The following RBL1 variants were observed in gnomAD, a reference collection of about 807,000 sequenced individuals.
RBL1 encodes retinoblastoma-like protein 1.
RBL1 carries 82 observed loss-of-function variants against 123.0 expected under a neutral mutation model. The ratio of observed to expected loss-of-function variants is 0.67; its 90% CI spans 0.56 to 0.80. RBL1 has a LOEUF of 0.80. Ranked by LOEUF, RBL1 falls within the 30% of genes least tolerant of loss-of-function variation. RBL1 has a pLI of 0.00. For missense variants in RBL1, 1,171 were observed against 1,299.6 expected (o/e 0.90, Z 1.52); for synonymous variants, 405 against 441.3 (o/e 0.92, Z 1.03).
chr20:37,000,996 GGCCA>G (rs2063967602), intron 21 of RBL1, among the ~76,000 whole-genome samples: 1 of 145,544 alleles, frequency 6.9e-6, no homozygotes, highest in Non-Finnish European at 1.5e-5. Context: ...CCCTCTGCCT[GGCCA>G]GCCGCCCCAT....
chr20:37,050,879 C>T (rs2064899385), intron 11 of RBL1, among the ~76,000 whole-genome samples: 1 of 151,678 alleles, frequency 6.6e-6, no homozygotes, highest in African/African-American at 2.4e-5. Flanking sequence ...AGGTCACATA[C>T]TACTAAGTGG....
rs113216175 is a variant in RBL1 at position 37,025,746 on chromosome 20, GT to G, written c.2383-2921del. ...CCAAAAAAACCTTGAAGGGACCTGGGTTTTTTTTTTTTTTGAGATGGAGTCT... is the reference window on the plus strand; with the variant it reads ...CCAAAAAAACCTTGAAGGGACCTGGGTTTTTTTTTTTTTGAGATGGAGTCT... On this transcript the variant is annotated intron_variant, in intron 16 of 21. Coordinates refer to ENST00000373664, the MANE Select transcript of RBL1 (RefSeq NM_002895.5). Among the ~76,000 whole-genome samples, 589 of 140,520 alleles carry G rather than the reference GT, an allele frequency of 4.2e-3. 9 individuals are homozygous for G. The highest frequency in any genetic ancestry group is 0.014 in the African/African-American group (526 of 38,566). 92.2% of individuals were successfully genotyped at this position (140,520 alleles called of 152,430 possible). A position where few individuals can be genotyped will look rare whatever the true frequency, so the allele number is the denominator to read the frequency against.
chr20:37,071,603 T>C (rs2065282341), intron 2 of RBL1, among the ~76,000 whole-genome samples: 1 of 151,992 alleles, frequency 6.6e-6, no homozygotes, highest in Admixed American at 6.6e-5. Flanking sequence ...CTGCAGTGAG[T>C]CATGAACATG....
intron 2 of RBL1, chr20:37,081,880 A>T (rs62206488): frequency 0.2 from 77,093 of 383,512 alleles, 8,615 homozygotes; most frequent in Middle Eastern, 0.31. Flanking sequence ...ATCTGAGAGG[A>T]GACTCACCAG....
At chr20:37,008,890 T>C (rs2064112997) in intron 19 of RBL1, among the ~76,000 whole-genome samples, 1 of 152,154 alleles carries the variant, frequency 6.6e-6, no homozygotes, top group Admixed American at 6.6e-5. Flanking sequence ...ATGCTGTATA[T>C]TATATTGGAA....
rs1215457127 is a variant in RBL1 at position 37,047,076 on chromosome 20, A to G, written c.1582T>C (p.Leu528=). The G allele has an allele frequency of 6.3e-7, 1 of 1,587,656 alleles. No homozygotes were observed. The highest frequency in any genetic ancestry group is 8.5e-7 in the Non-Finnish European group (1 of 1,174,224). ...TFPWIIEVLN[L]QPFYFYKVIE... is the part of the protein sequence containing the mutation. ...ACCTTATAAAAGTAAAATGGTTGCAAGTTGAGAACTTCAATAATCCAAGGA... is the reference window on the plus strand; with the variant it reads ...ACCTTATAAAAGTAAAATGGTTGCAGGTTGAGAACTTCAATAATCCAAGGA... The change falls in exon 12 of 22, where the codon TTG becomes CTG. Residue 528 remains leucine (L), a synonymous_variant. Coordinates refer to ENST00000373664, the MANE Select transcript of RBL1 (RefSeq NM_002895.5).
At chr20:37,036,385 C>G (rs2064612040) in intron 14 of RBL1, among the ~76,000 whole-genome samples, 1 of 151,944 alleles carries the variant, frequency 6.6e-6, no homozygotes. Context: ...TCAAGCGATT[C>G]TCCTGCCTCA....
chr20:37,020,566 T>A, intron 18 of RBL1, 93 bp downstream of exon 18: 1 of 887,104 alleles, frequency 1.1e-6, no homozygotes, highest in Non-Finnish European at 1.7e-6. Flanking sequence ...CTGAAGTATA[T>A]TAAAACTATA....
intron 9 of RBL1, among the ~76,000 whole-genome samples, chr20:37,056,638 C>T (rs903484747): frequency 2.0e-5 from 3 of 152,154 alleles, no homozygotes; most frequent in African/African-American, 7.2e-5. Context: ...CAGGCATGAG[C>T]CACCATGCCC....
At chr20:37,088,968 A>T in intron 2 of RBL1, 21 bp downstream of exon 2, 1 of 1,498,932 alleles carries the variant, frequency 6.7e-7, no homozygotes, top group Non-Finnish European at 8.9e-7. Context: ...TATAACATTT[A>T]AAAACATCAA....
At chr20:37,001,024 G>T (rs564257600) in intron 21 of RBL1, among the ~76,000 whole-genome samples, 2 of 128,966 alleles carry the variant, frequency 1.6e-5, no homozygotes, top group Non-Finnish European at 3.3e-5. Flanking sequence ...GGAGGGAGGT[G>T]GGGGGGGTCA....
At chr20:37,006,050 C>T (rs1321338438) in intron 20 of RBL1, among the ~76,000 whole-genome samples, 1 of 151,224 alleles carries the variant, frequency 6.6e-6, no homozygotes, top group African/African-American at 2.4e-5. Flanking sequence ...TGTGTACCAG[C>T]CACTACACGG....
chr20:37,055,309 G>GAAAAAAAAAAAAAA (rs59560599), intron 11 of RBL1, among the ~76,000 whole-genome samples: 1 of 84,034 alleles, frequency 1.2e-5, no homozygotes, highest in African/African-American at 4.1e-5. Flanking sequence ...ATGAAGGACA[G>GAAAAAAAAAAAAAA]AAAAAAAAAA....
intron 18 of RBL1, among the ~76,000 whole-genome samples, chr20:37,019,121 G>A (rs961161494): frequency 6.6e-6 from 1 of 151,094 alleles, no homozygotes; most frequent in African/African-American, 2.4e-5. Flanking sequence ...ATGGCTCACT[G>A]TAGCCTTGAC....
At chr20:37,034,297 G>GA (rs895394722) in intron 15 of RBL1, among the ~76,000 whole-genome samples, 15 of 151,112 alleles carry the variant, frequency 9.9e-5, no homozygotes, top group Middle Eastern at 3.4e-3. Flanking sequence ...TAAATTTATG[G>GA]AAAAAAAAGC....
rs2065532418 is a variant in RBL1, at chr20:37,085,688, G to T, written c.290+3301C>A. On this transcript the variant is annotated intron_variant, in intron 2 of 21. Transcript: ENST00000373664. ...TTTTTTTTTGAGACGGAGTCTCACTGTGTCACCTAGGCTGGAGTGCAATGG... is the reference window on the plus strand; with the variant it reads ...TTTTTTTTTGAGACGGAGTCTCACTTTGTCACCTAGGCTGGAGTGCAATGG... Among the ~76,000 whole-genome samples, 3 of 112,448 alleles carry T rather than the reference G, an allele frequency of 2.7e-5. No homozygotes were observed. In the South Asian group the frequency reaches 8.5e-4, roughly 32 times the overall value. The allele number at this position is 112,448 out of a possible 152,430, so 73.8% of individuals were successfully genotyped here.
intron 19 of RBL1, among the ~76,000 whole-genome samples, chr20:37,013,619 C>A (rs1385206460): frequency 1.3e-5 from 2 of 151,912 alleles, no homozygotes; most frequent in Non-Finnish European, 2.9e-5. Context: ...GAGACACTAC[C>A]CTCAATAGCC....
chr20:37,051,061 G>A (rs1308768975), intron 11 of RBL1, among the ~76,000 whole-genome samples: 1 of 151,792 alleles, frequency 6.6e-6, no homozygotes, highest in Non-Finnish European at 1.5e-5. Context: ...TGCCTAGGTT[G>A]GAGGACAGTA....
intron 19 of RBL1, among the ~76,000 whole-genome samples, chr20:37,011,923 C>A (rs893216300): frequency 6.6e-6 from 1 of 152,170 alleles, no homozygotes; most frequent in Admixed American, 6.5e-5. Flanking sequence ...CCTCTGATGC[C>A]GAGCCGAAGC....
Sources: allele counts gnomAD v4.1 joint callset (sites outside exome capture counted in the v4.1 genomes callset), GRCh38; gene constraint gnomAD v4.1.1; transcripts MANE v1.5; gene names NCBI Gene and HGNC (gene_info 2026-07-23, HGNC 2026-07-21).